Variants in WDR70 observed in about 807,000 individuals in gnomAD.
WDR70 encodes the protein WD repeat domain 70.
In WDR70, 53 loss-of-function variants were observed where a neutral mutation model predicts 88.6. The observed-to-expected ratio is 0.60, with a 90% CI of 0.48 to 0.75. The LOEUF is 0.75. WDR70 is among the 30% of genes least tolerant of loss of function. The pLI is 0.00. For synonymous variants in WDR70, 280 were observed against 270.0 expected, an observed-to-expected ratio of 1.04 and a Z score of -0.36; for missense variants, 610 against 823.2, an observed-to-expected ratio of 0.74 and a Z score of 3.17.
At chr5:37,714,708 C>A (rs1466945803) in intron 13 of WDR70, among the ~76,000 whole-genome samples, 1 of 152,182 alleles carries the variant, frequency 6.6e-6, no homozygotes, top group African/African-American at 2.4e-5. Flanking sequence ...GGGTCACTCA[C>A]CCTGTGGACT....
intron 17 of WDR70, among the ~76,000 whole-genome samples, chr5:37,732,218 G>T (rs920410162): frequency 2.6e-5 from 4 of 152,100 alleles, no homozygotes; most frequent in Non-Finnish European, 4.4e-5. Flanking sequence ...GAGAGAGAGA[G>T]ATATGTGTAG....
intron 7 of WDR70, among the ~76,000 whole-genome samples, chr5:37,476,480 G>A (rs777927154): frequency 2.0e-5 from 3 of 152,062 alleles, no homozygotes; most frequent in Non-Finnish European, 2.9e-5. Flanking sequence ...AGCCTTTTGT[G>A]TATGCAAGTT....
At chr5:37,484,424 G>A (rs374896748) in intron 8 of WDR70, among the ~76,000 whole-genome samples, 90,318 of 152,010 alleles carry the variant, frequency 0.59, 28,312 homozygotes, top group Non-Finnish European at 0.69. Flanking sequence ...GCGTGGCGGC[G>A]CGCGCCTGCA....
At chr5:37,409,537 T>C (rs1472848586) in intron 5 of WDR70, among the ~76,000 whole-genome samples, 1 of 150,722 alleles carries the variant, frequency 6.6e-6, no homozygotes, top group Non-Finnish European at 1.5e-5. Context: ...GGAGTTTTGC[T>C]CTTGTTGCCC....
intron 7 of WDR70, among the ~76,000 whole-genome samples, chr5:37,468,074 C>G (rs1422489775): frequency 1.3e-5 from 2 of 152,108 alleles, no homozygotes; most frequent in Non-Finnish European, 2.9e-5. Context: ...TGGTGTCGAT[C>G]TCCTGACCTT....
chr5:37,672,555 T>A (rs989572114), intron 10 of WDR70, among the ~76,000 whole-genome samples: 3 of 152,148 alleles, frequency 2.0e-5, no homozygotes, highest in Non-Finnish European at 4.4e-5. Flanking sequence ...GAAACATAAA[T>A]CTGGCCTATG....
At chr5:37,629,114 C>A (rs1472755441) in intron 10 of WDR70, among the ~76,000 whole-genome samples, 2 of 152,180 alleles carry the variant, frequency 1.3e-5, no homozygotes, top group Admixed American at 6.5e-5. Context: ...CCATTCTCTC[C>A]TGGCCTGTAA....
intron 5 of WDR70, among the ~76,000 whole-genome samples, chr5:37,416,682 C>T (rs1356591329): frequency 2.0e-5 from 3 of 151,476 alleles, no homozygotes; most frequent in South Asian, 2.1e-4. Context: ...CAGGCTCAAG[C>T]GATTTTCGTG....
Position 37,697,734 on chromosome 5 carries a change from A to T in WDR70, c.1172A>T (p.Asn391Ile), listed in dbSNP as rs768402049. 3.0e-5 allele frequency: 48 copies of T among 1,613,550 alleles called. No homozygotes were observed. The highest frequency in any genetic ancestry group is 3.9e-5 in the Non-Finnish European group (46 of 1,179,684). ...TSCVTFSYDGNVLASRGGDDS... is the reference protein window; with the variant it reads ...TSCVTFSYDGIVLASRGGDDS... ...TGCGTGACTTTTTCCTATGATGGTA[A>T]TGTCCTTGCCTCTCGTGGAGGTAGG... Residue 391 changes from asparagine (N) to isoleucine (I), a missense_variant, in exon 11 of 18, where the codon AAT becomes ATT. Asn to Ile is a moderately radical substitution (Grantham distance 149). Transcript: ENST00000265107.
chr5:37,399,498 C>G (rs987148079), intron 5 of WDR70, among the ~76,000 whole-genome samples: 1 of 152,028 alleles, frequency 6.6e-6, no homozygotes, highest in South Asian at 2.1e-4. Context: ...AAATTTTTTT[C>G]TCTAAAAATC....
At chr5:37,417,480 C>T (rs1053344755) in intron 5 of WDR70, among the ~76,000 whole-genome samples, 12 of 151,950 alleles carry the variant, frequency 7.9e-5, no homozygotes, top group Non-Finnish European at 1.5e-4. Context: ...CTGTCTCAGC[C>T]TCCCAAAGTG....
chr5:37,663,684 T>A (rs865921372), intron 10 of WDR70, among the ~76,000 whole-genome samples: 1 of 152,198 alleles, frequency 6.6e-6, no homozygotes, highest in Non-Finnish European at 1.5e-5. Flanking sequence ...TAGGCCGGAC[T>A]TCTGGTAGAC....
At chr5:37,727,110 A>C in intron 17 of WDR70, 65 bp downstream of exon 17, 1 of 1,533,682 alleles carries the variant, frequency 6.5e-7, no homozygotes, top group Non-Finnish European at 8.7e-7. Flanking sequence ...GAACATAACA[A>C]TGTTGTTTTT....
chr5:37,490,913 G>T (rs1740046881), intron 8 of WDR70, among the ~76,000 whole-genome samples: 1 of 152,132 alleles, frequency 6.6e-6, no homozygotes, highest in African/African-American at 2.4e-5. Context: ...GGATGTCATG[G>T]GGCCTCCAGG....
At chr5:37,583,932 A>G (rs1187765818) in intron 9 of WDR70, among the ~76,000 whole-genome samples, 1 of 152,172 alleles carries the variant, frequency 6.6e-6, no homozygotes, top group East Asian at 1.9e-4. Flanking sequence ...TGAACCAACA[A>G]TATTGATAGC....
At chr5:37,618,625 C>T (rs1483108620) in intron 10 of WDR70, among the ~76,000 whole-genome samples, 1 of 152,062 alleles carries the variant, frequency 6.6e-6, no homozygotes, top group Non-Finnish European at 1.5e-5. Flanking sequence ...CAGCTTTAGC[C>T]TTGACATAGG....
chr5:37,471,983 A>T (rs1739339570), intron 7 of WDR70, among the ~76,000 whole-genome samples: 1 of 151,640 alleles, frequency 6.6e-6, no homozygotes, highest in Admixed American at 6.6e-5. Flanking sequence ...CTAATGTCAG[A>T]GGGAAGGTTT....
At chr5:37,497,427 C>CTTCCG (rs1561875807) in intron 8 of WDR70, among the ~76,000 whole-genome samples, 1 of 34,882 alleles carries the variant, frequency 2.9e-5, no homozygotes, top group Non-Finnish European at 9.3e-5. Flanking sequence ...CTTCCCTTCC[C>CTTCCG]TCTTCCCTTC....
chr5:37,387,028 G>A (rs1466626437), intron 3 of WDR70, among the ~76,000 whole-genome samples: 3 of 151,994 alleles, frequency 2.0e-5, no homozygotes, highest in Non-Finnish European at 4.4e-5. Context: ...GAACCTGGGA[G>A]GCGGAGGTTG....
Sources: allele counts gnomAD v4.1 joint callset (sites outside exome capture counted in the v4.1 genomes callset), GRCh38; gene constraint gnomAD v4.1.1; transcripts MANE v1.5; gene names NCBI Gene and HGNC (gene_info 2026-07-23, HGNC 2026-07-21).